MYRIP: variants seen among roughly 807,000 people sequenced by gnomAD.
MYRIP encodes myosin VIIA and Rab interacting protein.
Under a neutral mutation model 98.0 loss-of-function variants are expected in MYRIP, and 49 were observed. That is an observed-to-expected ratio of 0.50 (90% CI 0.40 to 0.63). The LOEUF (loss-of-function observed/expected upper bound fraction) is 0.63. MYRIP is among the 30% of genes least tolerant of loss of function. The probability of loss-of-function intolerance (pLI) is 0.00; values close to 1 mark genes in which losing one functional copy is unlikely to be tolerated. For missense variants in MYRIP, 1,004 were observed against 1,058.2 expected (o/e 0.95, Z 0.71); for synonymous variants, 404 against 409.5 (o/e 0.99, Z 0.16).
chr3:40,028,348 C>A (rs183918236), intron 2 of MYRIP, among the ~76,000 whole-genome samples: 1 of 152,158 alleles, frequency 6.6e-6, no homozygotes, highest in Non-Finnish European at 1.5e-5. Context: ...CCACAGTGAG[C>A]TAACACTTCA....
chr3:40,058,630 A>G (rs971975862), intron 3 of MYRIP, among the ~76,000 whole-genome samples: 1 of 152,204 alleles, frequency 6.6e-6, no homozygotes, highest in African/African-American at 2.4e-5. Context: ...ATTATGAACT[A>G]AAACATTATC....
intron 3 of MYRIP, among the ~76,000 whole-genome samples, chr3:40,098,124 G>C (rs1049233838): frequency 6.6e-6 from 1 of 152,158 alleles, no homozygotes; most frequent in African/African-American, 2.4e-5. Context: ...ACCACTCCAT[G>C]ATTTCAACTT....
chr3:39,874,048 C>T, intron 1 of MYRIP, among the ~76,000 whole-genome samples: 1 of 150,222 alleles, frequency 6.7e-6, no homozygotes, highest in East Asian at 1.9e-4. Flanking sequence ...TTGAAGAGGT[C>T]CTTCACATCC....
chr3:39,957,361 A>G (rs1945194886), intron 2 of MYRIP, among the ~76,000 whole-genome samples: 1 of 151,978 alleles, frequency 6.6e-6, no homozygotes, highest in Non-Finnish European at 1.5e-5. Context: ...CTGGGATGCA[A>G]GGCTGGCTCA....
At chr3:39,829,609 C>A (rs1941379570) in intron 1 of MYRIP, among the ~76,000 whole-genome samples, 1 of 152,122 alleles carries the variant, frequency 6.6e-6, no homozygotes, top group South Asian at 2.1e-4. Flanking sequence ...AGCTTGCATG[C>A]ACATCGTGTG....
At chr3:39,877,089 A>G (rs1429827629) in intron 1 of MYRIP, among the ~76,000 whole-genome samples, 1 of 151,970 alleles carries the variant, frequency 6.6e-6, no homozygotes, top group Admixed American at 6.6e-5. Flanking sequence ...CATTTCATTC[A>G]TTTGATCTTC....
chr3:40,137,442 T>G (rs1161350358), intron 3 of MYRIP, among the ~76,000 whole-genome samples: 1 of 152,146 alleles, frequency 6.6e-6, no homozygotes, highest in East Asian at 1.9e-4. Flanking sequence ...CACAGCCAAA[T>G]TCTACCAGAG....
At chr3:40,162,371 C>A (rs767041605) in intron 4 of MYRIP, among the ~76,000 whole-genome samples, 11 of 152,256 alleles carry the variant, frequency 7.2e-5, no homozygotes, top group Middle Eastern at 6.8e-3. Context: ...GAATAAATTC[C>A]AGATGCAGCC....
intron 7 of MYRIP, among the ~76,000 whole-genome samples, chr3:40,168,302 G>A (rs1950540443): frequency 6.6e-6 from 1 of 152,192 alleles, no homozygotes; most frequent in Non-Finnish European, 1.5e-5. Context: ...ATCCTAAGTT[G>A]AAAGTATCAT....
At chr3:40,209,648 A>G (rs953984940) in intron 10 of MYRIP, among the ~76,000 whole-genome samples, 2 of 152,090 alleles carry the variant, frequency 1.3e-5, no homozygotes, top group African/African-American at 4.8e-5. Flanking sequence ...TTTTGAGTAA[A>G]GAGGATTACC....
intron 13 of MYRIP, 24 bp from the exon 14 acceptor site, chr3:40,250,198 A>C: frequency 6.4e-6 from 10 of 1,564,396 alleles, no homozygotes; most frequent in Non-Finnish European, 7.9e-6. Flanking sequence ...CTCCCTGCCA[A>C]TCTTGTCTTT....
At chr3:39,925,044 A>G (rs1944389477) in intron 2 of MYRIP, among the ~76,000 whole-genome samples, 1 of 151,724 alleles carries the variant, frequency 6.6e-6, no homozygotes, top group Non-Finnish European at 1.5e-5. Flanking sequence ...TCCCATCATA[A>G]GAACTCAGAA....
intron 12 of MYRIP, 72 bp downstream of exon 12, chr3:40,234,125 T>C: frequency 6.8e-7 from 1 of 1,462,602 alleles, no homozygotes; most frequent in Non-Finnish European, 9.2e-7. Flanking sequence ...TTGTAGCTTA[T>C]CGTGAAGAGT....
At chr3:39,982,255 T>C (rs1313608896) in intron 2 of MYRIP, among the ~76,000 whole-genome samples, 4 of 152,186 alleles carry the variant, frequency 2.6e-5, no homozygotes, top group African/African-American at 9.7e-5. Context: ...GGTGACAGAG[T>C]TGAACAGGGC....
intron 1 of MYRIP, among the ~76,000 whole-genome samples, chr3:39,813,300 T>C (rs1383895892): frequency 5.3e-5 from 8 of 152,190 alleles, no homozygotes; most frequent in African/African-American, 1.9e-4. Flanking sequence ...TGTATCCAGA[T>C]ATGGAGAAGG....
chr3:40,248,940 G>C (rs1953286165), intron 13 of MYRIP, among the ~76,000 whole-genome samples: 1 of 152,206 alleles, frequency 6.6e-6, no homozygotes, highest in Non-Finnish European at 1.5e-5. Context: ...AGCTGCCACA[G>C]ACTTGGCCTT....
intron 3 of MYRIP, among the ~76,000 whole-genome samples, chr3:40,089,172 TATGACAGGAGACACTAG>T (rs1449348618): frequency 1.3e-5 from 2 of 152,146 alleles, no homozygotes; most frequent in African/African-American, 2.4e-5. Context: ...TTTACTGCTA[TATGACAGGAGACACTAG>T]GTGACAGGAG....
At chr3:39,924,345 A>G (rs1053993347) in intron 2 of MYRIP, among the ~76,000 whole-genome samples, 2 of 152,174 alleles carry the variant, frequency 1.3e-5, no homozygotes, top group Non-Finnish European at 2.9e-5. Flanking sequence ...TGAATATCTG[A>G]TAAGCTAGAT....
chr3:39,997,861 G>C (rs1201051823), intron 2 of MYRIP, among the ~76,000 whole-genome samples: 1 of 152,008 alleles, frequency 6.6e-6, no homozygotes, highest in Admixed American at 6.6e-5. Flanking sequence ...TCATCCCTGC[G>C]ATGCAAGCCT....
Sources: gnomAD v4.1 joint callset for allele counts (sites outside exome capture counted in the v4.1 genomes callset) on GRCh38, gnomAD v4.1.1 for gene constraint, MANE v1.5 for transcripts, NCBI Gene and HGNC (gene_info 2026-07-23, HGNC 2026-07-21) for gene names.